The following ACYP2 variants were observed in gnomAD, a reference collection of about 807,000 sequenced individuals.
ACYP2 encodes acylphosphatase-2.
ACYP2 carries 12 observed loss-of-function variants against 11.2 expected under a neutral mutation model. The ratio of observed to expected loss-of-function variants is 1.08; its 90% CI spans 0.69 to 1.74. The LOEUF (loss-of-function observed/expected upper bound fraction) is 1.74. Among genes scored for constraint, ACYP2 ranks in the 40% most tolerant of loss-of-function variants. The probability of loss-of-function intolerance (pLI) is 0.00; values close to 1 mark genes in which losing one functional copy is unlikely to be tolerated. For synonymous variants in ACYP2, 43 were observed against 32.2 expected (o/e 1.33, Z -1.13); for missense variants, 134 against 101.9 (o/e 1.31, Z -1.35).
At chr2:54,170,635 C>T (rs1020221528) in intron 6 of ACYP2, among the ~76,000 whole-genome samples, 6 of 151,898 alleles carry the variant, frequency 4.0e-5, no homozygotes, top group African/African-American at 1.5e-4. Context: ...TTCACATCTC[C>T]AGCTAGATGG....
intron 6 of ACYP2, among the ~76,000 whole-genome samples, chr2:54,247,112 G>T (rs573837517): frequency 1.3e-5 from 2 of 152,080 alleles, no homozygotes; most frequent in Admixed American, 6.6e-5. Context: ...TTATAGCAGC[G>T]TTTTTTGGGG....
At chr2:53,988,101 G>C (rs929372388) in intron 2 of ACYP2, among the ~76,000 whole-genome samples, 8 of 152,094 alleles carry the variant, frequency 5.3e-5, no homozygotes, top group Admixed American at 5.2e-4. Flanking sequence ...ATGGTGTTGC[G>C]CACCTGTAAT....
intron 6 of ACYP2, among the ~76,000 whole-genome samples, chr2:54,201,236 G>T (rs192658285): frequency 2.5e-4 from 38 of 152,056 alleles, no homozygotes; most frequent in African/African-American, 8.7e-4. Context: ...TTCCCGAGTA[G>T]CAGGGACCAT....
chr2:54,167,689 T>C (rs1037137724), intron 6 of ACYP2, among the ~76,000 whole-genome samples: 18 of 152,234 alleles, frequency 1.2e-4, no homozygotes, highest in Admixed American at 2.6e-4. Context: ...TAGGAAAGTG[T>C]CTTTATTTTT....
At chr2:54,168,421 G>A (rs1013671804) in intron 6 of ACYP2, among the ~76,000 whole-genome samples, 21 of 151,930 alleles carry the variant, frequency 1.4e-4, no homozygotes, top group East Asian at 7.7e-4. Flanking sequence ...AGCAGACTCC[G>A]TCTCAAAACC....
intron 6 of ACYP2, among the ~76,000 whole-genome samples, chr2:54,212,175 C>T (rs1233797150): frequency 6.6e-6 from 1 of 152,138 alleles, no homozygotes; most frequent in Non-Finnish European, 1.5e-5. Flanking sequence ...AGTTTTATCT[C>T]ACTGATCTTC....
chr2:53,997,986 C>T (rs945474798), intron 2 of ACYP2, among the ~76,000 whole-genome samples: 3 of 152,098 alleles, frequency 2.0e-5, no homozygotes, highest in Non-Finnish European at 2.9e-5. Context: ...GTGGTGTTTG[C>T]TGATCAAAAA....
chr2:54,183,908 C>T (rs1351673367), intron 6 of ACYP2, among the ~76,000 whole-genome samples: 3 of 152,124 alleles, frequency 2.0e-5, no homozygotes, highest in Non-Finnish European at 2.9e-5. Flanking sequence ...TGGTATCACA[C>T]TTGGAGCATG....
intron 4 of ACYP2, among the ~76,000 whole-genome samples, chr2:54,119,179 A>AGTAGTT (rs1485925070): frequency 6.9e-6 from 1 of 144,018 alleles, no homozygotes; most frequent in Non-Finnish European, 1.5e-5. Flanking sequence ...CCTCCTCTTG[A>AGTAGTT]GTAGTTGGGA....
intron 6 of ACYP2, among the ~76,000 whole-genome samples, chr2:54,217,532 A>AT (rs372344785): frequency 0.012 from 1,802 of 146,672 alleles, 31 homozygotes; most frequent in African/African-American, 0.041. Flanking sequence ...GTCCCTGGCT[A>AT]TTTTTTTTTT....
intron 4 of ACYP2, among the ~76,000 whole-genome samples, chr2:54,099,475 T>C (rs1405039732): frequency 1.3e-5 from 2 of 152,260 alleles, no homozygotes; most frequent in African/African-American, 2.4e-5. Flanking sequence ...ACCATTCTAC[T>C]CTCTGCTTCT....
chr2:54,189,647 T>G (rs1684154554), intron 6 of ACYP2, among the ~76,000 whole-genome samples: 1 of 152,178 alleles, frequency 6.6e-6, no homozygotes, highest in Admixed American at 6.6e-5. Context: ...TTGGCTATTG[T>G]GAATAACGCT....
intron 2 of ACYP2, among the ~76,000 whole-genome samples, chr2:54,046,211 TAC>T (rs1675514745): frequency 6.8e-6 from 1 of 147,134 alleles, no homozygotes; most frequent in African/African-American, 2.5e-5. Context: ...CGCAGTGGCT[TAC>T]ACCTGTAATC....
intron 4 of ACYP2, among the ~76,000 whole-genome samples, chr2:54,107,482 T>A (rs1679227275): frequency 6.6e-6 from 1 of 152,236 alleles, no homozygotes; most frequent in African/African-American, 2.4e-5. Context: ...TGAACTTTCA[T>A]TCTGCCTAAC....
intron 2 of ACYP2, among the ~76,000 whole-genome samples, chr2:54,012,401 A>T (rs1673423218): frequency 1.3e-5 from 2 of 152,208 alleles, no homozygotes; most frequent in Admixed American, 6.6e-5. Context: ...CTTGTAGTTC[A>T]GCTACTCAGG....
chr2:54,090,356 T>C (rs530264576), intron 4 of ACYP2, among the ~76,000 whole-genome samples: 1 of 151,302 alleles, frequency 6.6e-6, no homozygotes, highest in African/African-American at 2.4e-5. Flanking sequence ...TTCGGCCAGG[T>C]GCAGTGGCTC....
rs768296952 is a variant in ACYP2, at chr2:54,180,307, C to T, written c.404+41559C>T. Among the ~76,000 whole-genome samples the T allele has an allele frequency of 3.3e-5, 5 of 152,000 alleles. No homozygotes were observed. In the East Asian group the frequency reaches 9.7e-4, roughly 29 times the overall value. On this transcript the variant is annotated intron_variant, in intron 6 of 6. Coordinates refer to ENST00000607452, the MANE Select transcript of ACYP2 (RefSeq NM_001320586.2). ...GTAGCCATGATTGATTAATCATTGG[C>T]CATTGGAGATCAGCTTAACCTTTAG...
chr2:54,022,833 G>A (rs1053442715), intron 2 of ACYP2, among the ~76,000 whole-genome samples: 1 of 152,146 alleles, frequency 6.6e-6, no homozygotes, highest in East Asian at 1.9e-4. Flanking sequence ...CCTCCCAAGA[G>A]GAATCCGAAT....
intron 4 of ACYP2, chr2:54,082,764 A>G (rs1437938215): frequency 6.6e-6 from 1 of 152,182 alleles, no homozygotes; most frequent in Non-Finnish European, 1.5e-5. Flanking sequence ...GCAAAACTCA[A>G]GTTCCTAGGT....
Sources: allele counts gnomAD v4.1 joint callset (sites outside exome capture counted in the v4.1 genomes callset), GRCh38; gene constraint gnomAD v4.1.1; transcripts MANE v1.5; gene names NCBI Gene and HGNC (gene_info 2026-07-23, HGNC 2026-07-21).